Variants in USHBP1 observed in about 807,000 individuals in gnomAD.
The protein encoded by USHBP1 is USH1 protein network component harmonin binding protein 1.
In USHBP1, 67 loss-of-function variants were observed where a neutral mutation model predicts 76.2. The observed-to-expected ratio is 0.88, with a 90% confidence interval of 0.72 to 1.08. The LOEUF (loss-of-function observed/expected upper bound fraction) is 1.08, where lower values mean the gene tolerates loss of function less well. Ranked by LOEUF, USHBP1 falls within the 50% of genes least tolerant of loss-of-function variation. USHBP1 has a pLI of 0.00. For missense variants in USHBP1, 931 were observed against 915.0 expected, an observed-to-expected ratio of 1.02 and a Z score of -0.23; for synonymous variants, 322 against 362.2, an observed-to-expected ratio of 0.89 and a Z score of 1.26.
chr19:17,253,388 T>G (rs2073578081), intron 10 of USHBP1, among the ~76,000 whole-genome samples: 1 of 150,094 alleles, frequency 6.7e-6, no homozygotes, highest in Non-Finnish European at 1.5e-5. Flanking sequence ...CCTCCAGGTT[T>G]AAGCAATTCT....
intron 3 of USHBP1, chr19:17,263,781 C>T (rs1176813785): frequency 7.5e-6 from 4 of 534,400 alleles, no homozygotes; most frequent in Non-Finnish European, 1.2e-5. Flanking sequence ...CTGAGGCTCC[C>T]GCTTGAACCG....
chr19:17,258,203 G>C lies in USHBP1; in HGVS notation c.1220+9C>G. On this transcript the variant is annotated intron_variant, in intron 8 of 12. Transcript: ENST00000252597. Reference sequence around the variant, plus strand: ...AACCAGGCCAGTTCCCAGGGTTCCAGGGGGGTACCTTGGCTGTGGATTCTG... The same window carrying C: ...AACCAGGCCAGTTCCCAGGGTTCCACGGGGGTACCTTGGCTGTGGATTCTG... 1 of 1,612,812 alleles carries C rather than the reference G, an allele frequency of 6.2e-7. No homozygotes were observed. The highest frequency in any genetic ancestry group is 8.5e-7 in the Non-Finnish European group (1 of 1,179,884).
At chr19:17,261,741 G>A (rs940224298) in intron 4 of USHBP1, among the ~76,000 whole-genome samples, 4 of 151,072 alleles carry the variant, frequency 2.6e-5, no homozygotes, top group African/African-American at 7.3e-5. Flanking sequence ...GGGATCAGGC[G>A]ATTCTCGTGC....
intron 12 of USHBP1, 84 bp downstream of exon 12, chr19:17,251,498 A>C: frequency 6.4e-7 from 1 of 1,572,008 alleles, no homozygotes; most frequent in Non-Finnish European, 8.7e-7. Flanking sequence ...GGGAATGCTA[A>C]GGCCCAGAGA....
intron 3 of USHBP1, 98 bp downstream of exon 3, chr19:17,263,904 A>G: frequency 2.2e-6 from 3 of 1,394,600 alleles, no homozygotes; most frequent in Non-Finnish European, 2.8e-6. Flanking sequence ...ATAGGGAGCT[A>G]TGGTAGGTGT....
chr19:17,258,162 C>T lies in USHBP1; in HGVS notation c.1220+50G>A, dbSNP rs774732451. On this transcript the variant is annotated intron_variant, in intron 8 of 12. Transcript: ENST00000252597. ...AGCTCTGGGAGCCCCATCCCCCAGT[C>T]AAGACCCCACTCCTCAACCAGGCCA... 41 of 1,608,594 alleles carry T rather than the reference C, an allele frequency of 2.5e-5. No individual in the cohort carries two copies. The South Asian group carries it at 4.5e-4, about 18-fold the overall frequency.
chr19:17,260,149 C>T, intron 4 of USHBP1, 127 bp from the exon 5 acceptor site: 1 of 1,271,134 alleles, frequency 7.9e-7, no homozygotes, highest in South Asian at 1.8e-5. Context: ...GGATACTTAG[C>T]CTGCCAAAAA....
At chr19:17,263,073 T>C (rs915213678) in intron 3 of USHBP1, 83 bp from the exon 4 acceptor site, 21 of 1,410,612 alleles carry the variant, frequency 1.5e-5, no homozygotes, top group Admixed American at 1.0e-4. Context: ...AGTCTCACTC[T>C]GTTGCCCAGC....
rs199960990 is a variant in USHBP1 at position 17,259,438 on chromosome 19, G to A, written c.906-9C>T. On this transcript the variant is annotated splice_polypyrimidine_tract_variant and intron_variant, in intron 6 of 12. Coordinates refer to ENST00000252597, the MANE Select transcript of USHBP1 (RefSeq NM_031941.4). ...TGAGCTTCTCAATGCTCCTGTTCCC[G>A]AAGGTGGGGAAGAGGGAAAGTCAGA... The A allele has an allele frequency of 1.2e-5, 20 of 1,613,878 alleles. No homozygotes were observed. In the East Asian group the frequency reaches 1.8e-4, roughly 14 times the overall value.
rs528303785 is a variant in USHBP1 at position 17,254,215 on chromosome 19, C to T, written c.1692+1170G>A. On this transcript the variant is annotated intron_variant, in intron 10 of 12. Transcript: ENST00000252597. The stretch of plus-strand genomic sequence containing the variant: ...AAAAAAAATTAGCCGGGTGTGGTGG[C>T]GGGCGCCTGTAGTCCCAGCTACTCG... Among the ~76,000 whole-genome samples, 34 of 151,896 alleles carry T rather than the reference C, an allele frequency of 2.2e-4. No individual in the cohort carries two copies. The East Asian group carries it at 4.9e-3, about 22-fold the overall frequency.
chr19:17,252,977 ATT>A (rs919471594), intron 10 of USHBP1, among the ~76,000 whole-genome samples: 2 of 150,072 alleles, frequency 1.3e-5, no homozygotes, highest in African/African-American at 4.9e-5. Flanking sequence ...AATAATAATA[ATT>A]TTTTTTTTGA....
chr19:17,251,573 C>T lies in USHBP1; in HGVS notation c.1922+9G>A, dbSNP rs1229413216. On this transcript the variant is annotated intron_variant, in intron 12 of 12. Coordinates refer to ENST00000252597, the MANE Select transcript of USHBP1 (RefSeq NM_031941.4). ...CCAGGGGGATTGGGGGGATGCAGAA[C>T]AGTCCTACCTGTGGGCTTTGCATAA... 1.2e-6 allele frequency: 2 copies of T among 1,613,638 alleles called. No individual in the cohort carries two copies. Among genetic ancestry groups the T allele is most frequent in the South Asian group, 2.2e-5 (2 of 91,078 alleles).
chr19:17,259,862 C>T (rs752763274), intron 5 of USHBP1, 35 bp downstream of exon 5: 3 of 1,603,116 alleles, frequency 1.9e-6, no homozygotes, highest in African/African-American at 1.3e-5. Context: ...AGGCTAAGGA[C>T]ATCAAGACCA....
chr19:17,250,961 A>G (rs1221387081), intron 12 of USHBP1, among the ~76,000 whole-genome samples: 1 of 152,002 alleles, frequency 6.6e-6, no homozygotes, highest in Non-Finnish European at 1.5e-5. Context: ...CCCGGGTTCA[A>G]GCGATTCTCC....
Position 17,251,916 on chromosome 19 carries a change from G to T in USHBP1, c.1794C>A (p.Leu598=), listed in dbSNP as rs371981681. The T allele has an allele frequency of 2.7e-5, 41 of 1,541,678 alleles. No individual in the cohort carries two copies. The highest frequency in any genetic ancestry group is 3.3e-5 in the Non-Finnish European group (38 of 1,145,490). Reference sequence around the variant, plus strand: ...CCCAGGACCCAGGCACACACCTGGTGAGCGATGCTGCCAGTTCCTGGGCTA... The same window carrying T: ...CCCAGGACCCAGGCACACACCTGGTTAGCGATGCTGCCAGTTCCTGGGCTA... ...EKLAQELAAS[L]TRTLDLQEQL... is the part of the protein sequence containing the mutation. Residue 598 remains leucine (L), a synonymous_variant, in exon 11 of 13, where the codon CTC becomes CTA. Coordinates refer to ENST00000252597, the MANE Select transcript of USHBP1 (RefSeq NM_031941.4).
At position 17,256,515 on chromosome 19, in the gene USHBP1, G is replaced by A. The variant is rs147715679; in HGVS notation, c.1426C>T (p.Arg476Ter). ...TGCTGAATTTGTGTCTTCTCCAGTC[G>A]GGGAAGAGCTGGGCCAGCCTGGGTC... ...LGTQAGPALP[R>*]LEKTQIQQDL... Residue 476 changes from arginine (R) to a stop codon, truncating the protein, a stop_gained, in exon 9 of 13, where the codon CGA becomes TGA. Transcript: ENST00000252597. LOFTEE classifies it high-confidence loss of function. The A allele has an allele frequency of 8.9e-5, 144 of 1,613,788 alleles. No individual in the cohort carries two copies. The highest frequency in any genetic ancestry group is 1.1e-4 in the Non-Finnish European group (133 of 1,180,010).
intron 9 of USHBP1, among the ~76,000 whole-genome samples, 167 bp from the exon 10 acceptor site, chr19:17,255,773 G>T (rs1403899446): frequency 6.6e-6 from 1 of 152,132 alleles, no homozygotes; most frequent in Admixed American, 6.5e-5. Context: ...GGCCAAAGTG[G>T]GTGGATTACC....
rs183538371 is a variant in USHBP1, at chr19:17,259,600, G to A, written c.901C>T (p.Arg301Trp). 2.3e-4 allele frequency: 378 copies of A among 1,609,448 alleles called. 1 individual carries two copies. The East Asian group carries it at 5.3e-3, about 23-fold the overall frequency. Residue 301 changes from arginine to tryptophan, a missense_variant, in exon 6 of 13, where the codon CGG (arginine) becomes TGG (tryptophan). Arg to Trp is a moderately radical substitution (Grantham distance 101). Coordinates refer to ENST00000252597, the MANE Select transcript of USHBP1 (RefSeq NM_031941.4). ...HIMEAQMEQL[R>W]GSIEKLKCFN... Reference sequence around the variant, plus strand: ...CTCAGCATTTGAGTCTCTTACCCCCGGAGTTGCTCCATCTGGGCTTCCATG... The same window carrying A: ...CTCAGCATTTGAGTCTCTTACCCCCAGAGTTGCTCCATCTGGGCTTCCATG...
chr19:17,253,510 T>C (rs530846114), intron 10 of USHBP1, among the ~76,000 whole-genome samples: 403 of 147,292 alleles, frequency 2.7e-3, no homozygotes, highest in African/African-American at 9.5e-3. Context: ...AGGCTGGTCT[T>C]GAACTCCTGA....
Sources: allele counts gnomAD v4.1 joint callset (sites outside exome capture counted in the v4.1 genomes callset), GRCh38; gene constraint gnomAD v4.1.1; transcripts MANE v1.5; gene names NCBI Gene and HGNC (gene_info 2026-07-23, HGNC 2026-07-21).